CAP2: variants seen among roughly 807,000 people sequenced by gnomAD.
CAP2 encodes adenylyl cyclase-associated protein 2.
In CAP2, 24 loss-of-function variants were observed where a neutral mutation model predicts 57.7. That is an observed-to-expected ratio of 0.42 (90% CI 0.30 to 0.58). The LOEUF is 0.58. Among genes scored for constraint, CAP2 ranks in the 20% least tolerant of loss-of-function variants. CAP2 has a pLI of 0.22. For synonymous variants in CAP2, 194 were observed against 207.2 expected (o/e 0.94, Z 0.55); for missense variants, 501 against 590.3 (o/e 0.85, Z 1.57).
In CAP2 at chr6:17,513,954, A is replaced by G. The variant is rs1395838059; in HGVS notation, c.636A>G (p.Thr212=). 1.3e-6 allele frequency: 2 copies of G among 1,572,326 alleles called. No homozygotes were observed. The highest frequency in any genetic ancestry group is 2.2e-5 in the South Asian group (2 of 90,280). Residue 212 remains threonine (T), a splice_region_variant and synonymous_variant, in exon 7 of 13, where the codon ACA becomes ACG. Transcript: ENST00000229922. The surrounding 1 kb of genome is among the most constrained non-coding windows in gnomAD (Gnocchi z 4.3). The part of the protein sequence containing the change: ...HHTTGLTWSK[T]GPVASTVSAF... ...CCACGGGCCTCACATGGAGCAAAAC[A>G]GTGAGTACGAGGCCTTCCTCCACGT...
chr6:17,491,190 G>C (rs1374775203), intron 4 of CAP2, among the ~76,000 whole-genome samples: 1 of 151,970 alleles, frequency 6.6e-6, no homozygotes, highest in Non-Finnish European at 1.5e-5. Context: ...GAGATTGTCA[G>C]GGTGCCCCAT....
chr6:17,425,135 AAAAG>A lies in CAP2; in HGVS notation c.122-1449_122-1446del, dbSNP rs1287284689. On this transcript the variant is annotated intron_variant, in intron 2 of 12. Transcript: ENST00000229922. ...GAAATGGGTAATTGGGAAAAAGAGA[AAAAG>A]AAAGACACTCTCCTAATAGTTTTGT... Among the ~76,000 whole-genome samples the A allele has an allele frequency of 3.3e-5, 5 of 152,234 alleles. No homozygotes were observed. The East Asian group carries it at 9.6e-4, about 29-fold the overall frequency.
chr6:17,450,006 C>T (rs1030703079), intron 3 of CAP2, among the ~76,000 whole-genome samples: 14 of 152,006 alleles, frequency 9.2e-5, no homozygotes, highest in African/African-American at 3.1e-4. Context: ...ATAAAAACAA[C>T]CCACAGAAAT....
intron 3 of CAP2, among the ~76,000 whole-genome samples, chr6:17,461,267 T>C (rs1000141463): frequency 1.4e-4 from 21 of 151,990 alleles, no homozygotes; most frequent in Non-Finnish European, 4.4e-5. Flanking sequence ...TCACCCAGTC[T>C]GAAGTCTGAA....
intron 11 of CAP2, among the ~76,000 whole-genome samples, chr6:17,546,178 A>G (rs1763041500): frequency 6.6e-6 from 1 of 152,082 alleles, no homozygotes; most frequent in Non-Finnish European, 1.5e-5. Flanking sequence ...AAGTGTTCCT[A>G]TTTCTCCACA....
chr6:17,555,355 C>T (rs143458633), intron 12 of CAP2, among the ~76,000 whole-genome samples: 6,421 of 150,128 alleles, frequency 0.043, 218 homozygotes, highest in African/African-American at 0.095. Context: ...CCACCACGCC[C>T]GGCTAATTTT....
At chr6:17,431,542 C>T (rs888179987) in intron 3 of CAP2, among the ~76,000 whole-genome samples, 35 of 152,206 alleles carry the variant, frequency 2.3e-4, no homozygotes, top group African/African-American at 7.9e-4. Context: ...AGTCACTATG[C>T]TAGATATTCC....
intron 4 of CAP2, among the ~76,000 whole-genome samples, chr6:17,468,101 A>G (rs1245968321): frequency 1.3e-5 from 2 of 152,150 alleles, no homozygotes; most frequent in Non-Finnish European, 1.5e-5. Flanking sequence ...TTCACGTAAC[A>G]TAACAATCTC....
intron 6 of CAP2, among the ~76,000 whole-genome samples, chr6:17,511,413 C>G (rs1180362826): frequency 1.3e-5 from 2 of 152,144 alleles, no homozygotes; most frequent in Non-Finnish European, 2.9e-5. Context: ...CTGTGCAACG[C>G]TTACCACCAG....
intron 4 of CAP2, among the ~76,000 whole-genome samples, chr6:17,486,489 C>T (rs1761423444): frequency 6.6e-6 from 1 of 152,072 alleles, no homozygotes. Flanking sequence ...ACCTGTAGTC[C>T]CAGCTACTCG....
chr6:17,488,412 C>T (rs755333880), intron 4 of CAP2, among the ~76,000 whole-genome samples: 1 of 152,202 alleles, frequency 6.6e-6, no homozygotes, highest in Non-Finnish European at 1.5e-5. Flanking sequence ...CACAAGCCCT[C>T]GATGGCTTGG....
At chr6:17,486,725 C>T (rs891490041) in intron 4 of CAP2, among the ~76,000 whole-genome samples, 2 of 152,168 alleles carry the variant, frequency 1.3e-5, no homozygotes, top group Non-Finnish European at 2.9e-5. Context: ...ATGTTTAAAG[C>T]CTAGGGATCT....
At position 17,515,842 on chromosome 6, in the gene CAP2, G is replaced by A. The variant is rs375856608; in HGVS notation, c.636+1888G>A. Among the ~76,000 whole-genome samples, 15 of 152,152 alleles carry A rather than the reference G, an allele frequency of 9.9e-5. No individual in the cohort carries two copies. In the East Asian group the frequency reaches 1.5e-3, roughly 16 times the overall value. On this transcript the variant is annotated intron_variant, in intron 7 of 12. Coordinates refer to ENST00000229922, the MANE Select transcript of CAP2 (RefSeq NM_006366.3). ...CTTTAATTCCCATGTGAGATGTTGC[G>A]CTGACCTTTGCCCCTTTCAGCTTTA...
intron 12 of CAP2, among the ~76,000 whole-genome samples, chr6:17,552,989 A>G (rs1763206007): frequency 1.3e-5 from 2 of 152,226 alleles, no homozygotes; most frequent in South Asian, 2.1e-4. Context: ...GTGTATGGAC[A>G]GTCTAACCCT....
intron 1 of CAP2, among the ~76,000 whole-genome samples, chr6:17,405,928 G>A (rs973622887): frequency 6.6e-6 from 1 of 151,958 alleles, no homozygotes; most frequent in African/African-American, 2.4e-5. Flanking sequence ...TTTTGTAGAG[G>A]CGGGGTCTAC....
intron 1 of CAP2, among the ~76,000 whole-genome samples, 177 bp downstream of exon 1, chr6:17,393,923 CCGGGGCGCGGCGACCCGGGCG>C (rs1027835545): frequency 2.0e-5 from 3 of 146,738 alleles, no homozygotes; most frequent in Non-Finnish European, 4.5e-5. Flanking sequence ...GGCGCGGGGG[CCGGGGCGCGGCGACCCGGGCG>C]CGGGGCGCGG....
At chr6:17,494,414 A>G (rs929710746) in intron 4 of CAP2, among the ~76,000 whole-genome samples, 2 of 152,068 alleles carry the variant, frequency 1.3e-5, no homozygotes, top group African/African-American at 4.8e-5. Flanking sequence ...TTCCTACCTC[A>G]TGATCTTTGT....
intron 3 of CAP2, among the ~76,000 whole-genome samples, chr6:17,439,384 A>T (rs1210343059): frequency 1.3e-5 from 2 of 150,560 alleles, no homozygotes; most frequent in Admixed American, 6.6e-5. Context: ...CTGTTTTTGG[A>T]CTTTCTGTTC....
chr6:17,396,905 T>G (rs1758679066), intron 1 of CAP2, among the ~76,000 whole-genome samples: 1 of 152,168 alleles, frequency 6.6e-6, no homozygotes, highest in Non-Finnish European at 1.5e-5. Flanking sequence ...CATCTTTGTG[T>G]TTTTCCTCTG....
Sources: gnomAD v4.1 joint callset for allele counts (sites outside exome capture counted in the v4.1 genomes callset) on GRCh38, gnomAD v4.1.1 for gene constraint, Gnocchi (gnomAD v3.1) non-coding constraint, MANE v1.5 for transcripts, NCBI Gene and HGNC (gene_info 2026-07-23, HGNC 2026-07-21) for gene names.